MCTP1: variants seen among roughly 807,000 people sequenced by gnomAD.
MCTP1 encodes the protein multiple C2 and transmembrane domain-containing protein 1.
MCTP1 carries 69 observed loss-of-function variants against 120.6 expected under a neutral mutation model. The ratio of observed to expected loss-of-function variants is 0.57; its 90% CI spans 0.47 to 0.70. The LOEUF (loss-of-function observed/expected upper bound fraction) is 0.70. Ranked by LOEUF, MCTP1 falls within the 30% of genes least tolerant of loss-of-function variation. The pLI is 0.00. For synonymous variants in MCTP1, 529 were observed against 493.1 expected (o/e 1.07, Z -0.96); for missense variants, 1,203 against 1,248.8 (o/e 0.96, Z 0.55).
intron 1 of MCTP1, among the ~76,000 whole-genome samples, chr5:95,026,857 T>C (rs1839359821): frequency 6.6e-6 from 1 of 152,206 alleles, no homozygotes; most frequent in Admixed American, 6.5e-5. Context: ...TGACAGATAT[T>C]CAATTTTCGA....
intron 17 of MCTP1, chr5:94,826,259 A>G: frequency 2.2e-6 from 1 of 447,190 alleles, no homozygotes; most frequent in Non-Finnish European, 4.2e-6. Context: ...TACTAACTTT[A>G]GATTTGGGAA....
At chr5:95,148,044 G>A (rs1760566102) in intron 1 of MCTP1, among the ~76,000 whole-genome samples, 1 of 152,190 alleles carries the variant, frequency 6.6e-6, no homozygotes, top group Non-Finnish European at 1.5e-5. Context: ...CTTCTAGCTT[G>A]TAAGGTTTCT....
chr5:94,973,980 T>C (rs1313167662), intron 2 of MCTP1, among the ~76,000 whole-genome samples: 1 of 152,066 alleles, frequency 6.6e-6, no homozygotes. Flanking sequence ...ATTGTGAGGG[T>C]TTAATTACAT....
At chr5:94,777,668 C>A (rs1775668354) in intron 19 of MCTP1, among the ~76,000 whole-genome samples, 1 of 151,992 alleles carries the variant, frequency 6.6e-6, no homozygotes, top group Admixed American at 6.6e-5. Flanking sequence ...TCAGAGCTGG[C>A]ATATTGAGTT....
At chr5:94,840,061 A>G (rs887105347) in intron 17 of MCTP1, among the ~76,000 whole-genome samples, 2 of 152,184 alleles carry the variant, frequency 1.3e-5, no homozygotes, top group Non-Finnish European at 2.9e-5. Flanking sequence ...ATGTGACACC[A>G]CAGAGGATAC....
At chr5:95,071,449 C>G (rs557596759) in intron 1 of MCTP1, among the ~76,000 whole-genome samples, 1 of 152,230 alleles carries the variant, frequency 6.6e-6, no homozygotes, top group African/African-American at 2.4e-5. Flanking sequence ...TTAAAAGTCA[C>G]TTTCTCACAG....
chr5:94,986,895 A>T (rs920731807), intron 2 of MCTP1, among the ~76,000 whole-genome samples: 2 of 152,108 alleles, frequency 1.3e-5, no homozygotes, highest in African/African-American at 4.8e-5. Flanking sequence ...TGGTTTCAGG[A>T]TCCACATGCA....
chr5:94,776,760 C>G (rs565457297), intron 19 of MCTP1, among the ~76,000 whole-genome samples: 106 of 152,214 alleles, frequency 7.0e-4, no homozygotes, highest in Non-Finnish European at 1.0e-3. Flanking sequence ...ACTGTGTACA[C>G]AAACTTTAAA....
chr5:94,978,065 TG>T (rs1316567722), intron 2 of MCTP1, among the ~76,000 whole-genome samples: 2 of 152,066 alleles, frequency 1.3e-5, no homozygotes, highest in Non-Finnish European at 2.9e-5. Flanking sequence ...GGGCTAAGTC[TG>T]GAATAGACAT....
In MCTP1 at chr5:95,017,454, C is replaced by A; in HGVS notation, c.751G>T (p.Ala251Ser). 1 of 1,609,250 alleles carries A rather than the reference C, an allele frequency of 6.2e-7. No homozygotes were observed. The highest frequency in any genetic ancestry group is 8.5e-7 in the Non-Finnish European group (1 of 1,177,000). Reference sequence around the variant, plus strand: ...CCGGGATCAGCCAAGGGGACTTCTGCATTACTGGTTCCAGCAGTGTTTATT... The same window carrying A: ...CCGGGATCAGCCAAGGGGACTTCTGAATTACTGGTTCCAGCAGTGTTTATT... ...KIINTAGTSN[A>S]EVPLADPGMY... The change falls in exon 2 of 23, where the codon GCA (alanine) becomes TCA (serine). Residue 251 changes from alanine (A) to serine (S), a missense_variant. Physicochemically the swap from Ala to Ser is moderately conservative, Grantham distance 99. Around this residue, in one of 2 missense-constraint regions of MCTP1, gnomAD observed 463 missense variants for 377.8 expected, o/e 1.23. Transcript: ENST00000515393.
At chr5:95,039,869 T>C (rs1360193102) in intron 1 of MCTP1, among the ~76,000 whole-genome samples, 1 of 110,128 alleles carries the variant, frequency 9.1e-6, no homozygotes, top group African/African-American at 3.5e-5. Flanking sequence ...GTCTTCTCAG[T>C]ACCGTTTGCA....
At chr5:95,269,920 T>C (rs1337394190) in intron 1 of MCTP1, among the ~76,000 whole-genome samples, 2 of 152,206 alleles carry the variant, frequency 1.3e-5, no homozygotes, top group Non-Finnish European at 2.9e-5. Flanking sequence ...TTCTTTGAGA[T>C]GCTGTACATA....
chr5:94,753,176 A>T (rs777780236), intron 19 of MCTP1, among the ~76,000 whole-genome samples: 3 of 152,210 alleles, frequency 2.0e-5, no homozygotes, highest in Non-Finnish European at 4.4e-5. Flanking sequence ...TATCCACAGC[A>T]ACTGCAGAAG....
chr5:94,902,701 G>A (rs1805834168), intron 10 of MCTP1, among the ~76,000 whole-genome samples: 1 of 152,166 alleles, frequency 6.6e-6, no homozygotes, highest in South Asian at 2.1e-4. Flanking sequence ...CTGCTGAAGT[G>A]TTTTCAAGTT....
intron 17 of MCTP1, among the ~76,000 whole-genome samples, chr5:94,811,864 G>A (rs896052252): frequency 9.2e-5 from 14 of 152,108 alleles, no homozygotes; most frequent in African/African-American, 3.4e-4. Context: ...TCTAAAAGAA[G>A]GCCATTTCAT....
chr5:94,902,441 C>A (rs998969186), intron 10 of MCTP1, among the ~76,000 whole-genome samples: 1 of 152,046 alleles, frequency 6.6e-6, no homozygotes, highest in African/African-American at 2.4e-5. Context: ...GATTTTGAAG[C>A]CATCATGATT....
chr5:95,134,457 T>C, intron 1 of MCTP1, among the ~76,000 whole-genome samples: 1 of 152,304 alleles, frequency 6.6e-6, no homozygotes, highest in Middle Eastern at 3.4e-3. Context: ...ATTCAGTGGG[T>C]TGGCAATTTG....
At chr5:94,726,804 GCTC>G (rs1283055198) in intron 19 of MCTP1, among the ~76,000 whole-genome samples, 1 of 152,052 alleles carries the variant, frequency 6.6e-6, no homozygotes, top group Non-Finnish European at 1.5e-5. Context: ...TTGAAATTGG[GCTC>G]CTTTCAGGTC....
chr5:94,790,998 C>T (rs986263147), intron 18 of MCTP1, among the ~76,000 whole-genome samples: 2 of 151,096 alleles, frequency 1.3e-5, no homozygotes, highest in South Asian at 2.1e-4. Context: ...GCGGGCCAGG[C>T]GCGGTGCCTC....
Sources: allele counts gnomAD v4.1 joint callset (sites outside exome capture counted in the v4.1 genomes callset), GRCh38; gene constraint gnomAD v4.1.1; regional missense constraint gnomAD v4.1.1; transcripts MANE v1.5; gene names NCBI Gene and HGNC (gene_info 2026-07-23, HGNC 2026-07-21).